The following SPDYE18 variants were observed in gnomAD, a reference collection of about 807,000 sequenced individuals.
SPDYE18 encodes speedy protein E18.
A neutral mutation model predicts 44.9 loss-of-function variants in SPDYE18; 6 were observed. The ratio of observed to expected loss-of-function variants is 0.13; its 90% CI spans 0.07 to 0.26. The LOEUF (loss-of-function observed/expected upper bound fraction) is 0.26, where lower values mean the gene tolerates loss of function less well. SPDYE18 is among the 10% of genes least tolerant of loss of function. SPDYE18 has a pLI of 1.00. For missense variants in SPDYE18, 121 were observed against 463.2 expected, an observed-to-expected ratio of 0.26 and a Z score of 6.78; for synonymous variants, 35 against 177.1, an observed-to-expected ratio of 0.20 and a Z score of 6.37.
At position 77,051,117 on chromosome 7, in the gene SPDYE18, T is replaced by C. The variant is rs1317812803; in HGVS notation, c.*808A>G. On this transcript the variant is annotated 3_prime_UTR_variant, in exon 9 of 9. Coordinates refer to ENST00000510091, the MANE Select transcript of SPDYE18 (RefSeq NM_001394953.1). ...ATTTCTATCACCAGAATTATGTTTT[T>C]TTCTGGTGGGGAACTACCAATAGCT... Among the ~76,000 whole-genome samples the C allele has an allele frequency of 9.9e-5, 15 of 152,000 alleles. No individual in the cohort carries two copies. Among genetic ancestry groups the C allele is most frequent in the Middle Eastern group, 3.2e-3 (1 of 316 alleles).
rs2117327528 is a variant in SPDYE18, at chr7:77,060,421, C to G, written c.92G>C (p.Ser31Thr). ...GTACCCCGAGGTGCTCCGCTGGAGA[C>G]TCTGCTCATTCTGGGGGTGCGGTTG... ...SRQPHPQNEQ[S>T]LQRSTSGYPL... Residue 31 changes from serine (S) to threonine (T), a missense_variant, in exon 2 of 9, where the codon AGT becomes ACT. Physicochemically the swap from Ser to Thr is moderately conservative, Grantham distance 58. Transcript: ENST00000510091. The G allele has an allele frequency of 2.6e-6, 4 of 1,535,500 alleles. No individual in the cohort carries two copies. In the East Asian group the frequency reaches 9.8e-5, roughly 38 times the overall value.
rs1417385928 is a variant in SPDYE18, at chr7:77,050,912, T to C, written c.*1013A>G. ...ATAATAATATTTAAATAAATAAATA[T>C]ATTTAATAAATATTTCAATAAATAA... On this transcript the variant is annotated 3_prime_UTR_variant, in exon 9 of 9. Transcript: ENST00000510091. Among the ~76,000 whole-genome samples, 1 of 148,868 alleles carries C rather than the reference T, an allele frequency of 6.7e-6. No homozygotes were observed. The highest frequency in any genetic ancestry group is 6.7e-5 in the Admixed American group (1 of 14,878).
rs1186155784 is a variant in SPDYE18, at chr7:77,050,899, A to C, written c.*1026T>G. ...AATATTTAAAGTAATAATAATATTT[A>C]AATAAATAAATATATTTAATAAATA... On this transcript the variant is annotated 3_prime_UTR_variant, in exon 9 of 9. Transcript: ENST00000510091. Among the ~76,000 whole-genome samples, 1 of 148,652 alleles carries C rather than the reference A, an allele frequency of 6.7e-6. No homozygotes were observed. The highest frequency in any genetic ancestry group is 1.9e-4 in the East Asian group (1 of 5,160).
rs1789841144 is a variant in SPDYE18 at position 77,053,013 on chromosome 7, A to T, written c.946T>A (p.Phe316Ile). Residue 316 changes from phenylalanine to isoleucine, a missense_variant, in exon 7 of 9, where the codon TTC (phenylalanine) becomes ATC (isoleucine). Transcript: ENST00000510091. Reference sequence around the variant, plus strand: ...GCCCTGCCGCTCATGGAACAGAAGAACTGGAACCGAAGTTTCTGGAACAGG... The same window carrying T: ...GCCCTGCCGCTCATGGAACAGAAGATCTGGAACCGAAGTTTCTGGAACAGG... ...IALFQKLRFQ[F>I]FCSMSGRAWV... 6.2e-7 allele frequency: 1 copy of T among 1,613,418 alleles called. No individual in the cohort carries two copies. The highest frequency in any genetic ancestry group is 8.5e-7 in the Non-Finnish European group (1 of 1,179,568).
rs201787395 is a variant in SPDYE18, at chr7:77,050,698, C to T, written c.*1227G>A. On this transcript the variant is annotated 3_prime_UTR_variant, in exon 9 of 9. Coordinates refer to ENST00000510091, the MANE Select transcript of SPDYE18 (RefSeq NM_001394953.1). ...AAAAACCATGCTCCCTTCAGCAGCA[C>T]GTGTAATAATAGATACAAAGATTGA... 0.015 allele frequency among the ~76,000 whole-genome samples: 2,202 copies of T among 151,294 alleles called. 25 individuals carry two copies. In the East Asian group the frequency reaches 0.16, roughly 11 times the overall value.
At chr7:77,053,557 A>G (rs1334666042) in intron 6 of SPDYE18, among the ~76,000 whole-genome samples, 1 of 152,234 alleles carries the variant, frequency 6.6e-6, no homozygotes, top group Non-Finnish European at 1.5e-5. Flanking sequence ...TATAAGAAAT[A>G]TGCCAGACGC....
At chr7:77,053,711 A>G (rs1789861511) in intron 6 of SPDYE18, among the ~76,000 whole-genome samples, 2 of 152,056 alleles carry the variant, frequency 1.3e-5, no homozygotes, top group African/African-American at 4.8e-5. Context: ...GCGGTGGCAC[A>G]CCCGTTAGGC....
At position 77,060,872 on chromosome 7, in the gene SPDYE18, C is replaced by G. The variant is rs1790010900; in HGVS notation, c.-360G>C. On this transcript the variant is annotated 5_prime_UTR_variant, in exon 2 of 9. Coordinates refer to ENST00000510091, the MANE Select transcript of SPDYE18 (RefSeq NM_001394953.1). ...CCCAGCAGAGGCTGTGTCCTCTCCA[C>G]TCAAAGCCTGAAGCATGTTGGGGTC... is the stretch of plus-strand genomic sequence containing the variant. 6.6e-6 allele frequency among the ~76,000 whole-genome samples: 1 copy of G among 151,664 alleles called. No homozygotes were observed. Among genetic ancestry groups the G allele is most frequent in the South Asian group, 2.1e-4 (1 of 4,818 alleles).
Position 77,060,942 on chromosome 7 carries a change from A to T in SPDYE18, c.-421-9T>A. The stretch of plus-strand genomic sequence containing the variant: ...CCATTTCAGAGTCCAGTCTGGTGGG[A>T]GAGGGAACAGAGTGGGAAAGAAAAC... On this transcript the variant is annotated splice_polypyrimidine_tract_variant and intron_variant, in intron 1 of 8. Coordinates refer to ENST00000510091, the MANE Select transcript of SPDYE18 (RefSeq NM_001394953.1). Among the ~76,000 whole-genome samples the T allele has an allele frequency of 6.6e-6, 1 of 150,646 alleles. No homozygotes were observed. Among genetic ancestry groups the T allele is most frequent in the Non-Finnish European group, 1.5e-5 (1 of 67,842 alleles).
rs1483275555 is a variant in SPDYE18, at chr7:77,051,874, G to A, written c.*51C>T. Among the ~76,000 whole-genome samples, 7 of 151,524 alleles carry A rather than the reference G, an allele frequency of 4.6e-5. No individual in the cohort carries two copies. Among genetic ancestry groups the A allele is most frequent in the African/African-American group, 1.4e-4 (6 of 41,494 alleles). The stretch of plus-strand genomic sequence containing the variant: ...GAAAATCCACATCTCCCCTGGGTCC[G>A]GTGTTCTGGAAGTGAGAGAGACAAT... On this transcript the variant is annotated 3_prime_UTR_variant, in exon 9 of 9. Coordinates refer to ENST00000510091, the MANE Select transcript of SPDYE18 (RefSeq NM_001394953.1).
intron 6 of SPDYE18, 50 bp from the exon 7 acceptor site, chr7:77,053,253 T>C: frequency 6.2e-7 from 1 of 1,609,738 alleles, no homozygotes; most frequent in South Asian, 1.1e-5. Context: ...AGGAGAGGCC[T>C]CCGGCTGAGG....
intron 6 of SPDYE18, 115 bp from the exon 7 acceptor site, chr7:77,053,318 A>C (rs1749953894): frequency 6.8e-7 from 1 of 1,469,336 alleles, no homozygotes; most frequent in Non-Finnish European, 9.1e-7. Context: ...ACTGGCACCC[A>C]CCCTGCAGAG....
rs1241865119 is a variant in SPDYE18, at chr7:77,061,137, G to T, written c.-421-204C>A. On this transcript the variant is annotated intron_variant, in intron 1 of 8. Coordinates refer to ENST00000510091, the MANE Select transcript of SPDYE18 (RefSeq NM_001394953.1). ...AAGTCACATCAGAGCACTCAGTTTG[G>T]CAGAGCTTTTCTGCCGAATGTTTAC... is the stretch of plus-strand genomic sequence containing the variant. Among the ~76,000 whole-genome samples, 9 of 114,400 alleles carry T rather than the reference G, an allele frequency of 7.9e-5. 2 individuals are homozygous for T. Among genetic ancestry groups the T allele is most frequent in the Non-Finnish European group, 1.2e-4 (7 of 57,708 alleles). 75.1% of individuals were successfully genotyped at this position (114,400 alleles called of 152,430 possible).
At chr7:77,060,106 C>G (rs1303287176) in intron 2 of SPDYE18, among the ~76,000 whole-genome samples, 1 of 149,758 alleles carries the variant, frequency 6.7e-6, no homozygotes, top group Admixed American at 6.7e-5. Flanking sequence ...AGTGATTCTC[C>G]TGTCTCAGCC....
In SPDYE18 at chr7:77,060,382, A is replaced by C; in HGVS notation, c.131T>G (p.Val44Gly). Residue 44 changes from valine (V) to glycine (G), a missense_variant, in exon 2 of 9, where the codon GTG becomes GGG. By Grantham distance (109) the Val-to-Gly change is moderately radical. Transcript: ENST00000510091. ...TGGTCCCAACACTTCATCATCCACC[A>C]CCTCCTGGAGGGGGTACCCCGAGGT... ...RSTSGYPLQE[V>G]VDDEVLGPSA... 5 of 1,533,834 alleles carry C rather than the reference A, an allele frequency of 3.3e-6. No homozygotes were observed. Among genetic ancestry groups the C allele is most frequent in the Non-Finnish European group, 4.4e-6 (5 of 1,146,550 alleles).
rs1223310526 is a variant in SPDYE18 at position 77,051,650 on chromosome 7, A to G, written c.*275T>C. On this transcript the variant is annotated 3_prime_UTR_variant, in exon 9 of 9. Coordinates refer to ENST00000510091, the MANE Select transcript of SPDYE18 (RefSeq NM_001394953.1). ...CGCAGGAAAGGGTGGAACTGGAAACACTCCTGTTTTCTTACTTTTCTCCAA... is the reference window on the plus strand; with the variant it reads ...CGCAGGAAAGGGTGGAACTGGAAACGCTCCTGTTTTCTTACTTTTCTCCAA... Among the ~76,000 whole-genome samples, 1 of 151,806 alleles carries G rather than the reference A, an allele frequency of 6.6e-6. No individual in the cohort carries two copies. Among genetic ancestry groups the G allele is most frequent in the Non-Finnish European group, 1.5e-5 (1 of 67,942 alleles).
At position 77,051,399 on chromosome 7, in the gene SPDYE18, A is replaced by G. The variant is rs1280974968; in HGVS notation, c.*526T>C. On this transcript the variant is annotated 3_prime_UTR_variant, in exon 9 of 9. Coordinates refer to ENST00000510091, the MANE Select transcript of SPDYE18 (RefSeq NM_001394953.1). ...TTGAAATAAATCTATGAATAATTCA[A>G]TGGCCAACATTTCCAAACAAACCAA... Among the ~76,000 whole-genome samples the G allele has an allele frequency of 3.9e-5, 6 of 152,402 alleles. No individual in the cohort carries two copies. Among genetic ancestry groups the G allele is most frequent in the Middle Eastern group, 3.4e-3 (1 of 294 alleles).
intron 4 of SPDYE18, among the ~76,000 whole-genome samples, chr7:77,057,314 T>C (rs369035921): frequency 0.1 from 15,373 of 151,550 alleles, 642 homozygotes; most frequent in Non-Finnish European, 0.15. Flanking sequence ...TGCAGTGGTG[T>C]AGTCATAGCT....
At position 77,051,061 on chromosome 7, in the gene SPDYE18, A is replaced by G. The variant is rs1385593893; in HGVS notation, c.*864T>C. ...TAAAAATCACAACTGAATTCTCACA[A>G]TTCAGTCACAAACCTAAACAGCAAA... On this transcript the variant is annotated 3_prime_UTR_variant, in exon 9 of 9. Transcript: ENST00000510091. 2.6e-5 allele frequency among the ~76,000 whole-genome samples: 4 copies of G among 151,920 alleles called. No homozygotes were observed. Among genetic ancestry groups the G allele is most frequent in the African/African-American group, 4.8e-5 (2 of 41,464 alleles).
Sources: gnomAD v4.1 joint callset for allele counts (sites outside exome capture counted in the v4.1 genomes callset) on GRCh38, gnomAD v4.1.1 for gene constraint, MANE v1.5 for transcripts, NCBI Gene and HGNC (gene_info 2026-07-23, HGNC 2026-07-21) for gene names.